ARID4B: variants seen among roughly 807,000 people sequenced by gnomAD.
ARID4B encodes AT-rich interaction domain 4B, also known as AT-rich interactive domain-containing protein 4B.
In ARID4B, 26 loss-of-function variants were observed where a neutral mutation model predicts 147.5. The observed-to-expected ratio is 0.18, with a 90% CI of 0.13 to 0.24. The LOEUF is 0.24. Ranked by LOEUF, ARID4B falls within the 10% of genes least tolerant of loss-of-function variation. The pLI is 1.00. For missense variants in ARID4B, 1,179 were observed against 1,511.5 expected, an observed-to-expected ratio of 0.78 and a Z score of 3.65; for synonymous variants, 512 against 507.9, an observed-to-expected ratio of 1.01 and a Z score of -0.11.
intron 11 of ARID4B, among the ~76,000 whole-genome samples, chr1:235,227,461 A>G (rs1667901525): frequency 6.6e-6 from 1 of 152,204 alleles, no homozygotes; most frequent in Non-Finnish European, 1.5e-5. Flanking sequence ...TAACCTCCAA[A>G]ACAATCTCAT....
chr1:235,228,136 G>A (rs1667949406), intron 11 of ARID4B, among the ~76,000 whole-genome samples: 3 of 151,540 alleles, frequency 2.0e-5, no homozygotes, highest in Non-Finnish European at 4.4e-5. Flanking sequence ...CACAGTACCC[G>A]GCCTGATTTT....
intron 10 of ARID4B, among the ~76,000 whole-genome samples, chr1:235,230,042 C>T (rs1668100573): frequency 6.6e-6 from 1 of 152,092 alleles, no homozygotes; most frequent in Non-Finnish European, 1.5e-5. Context: ...ATGCAATTAC[C>T]ACATATTCCT....
At chr1:235,313,305 C>CG (rs1429495130) in intron 2 of ARID4B, among the ~76,000 whole-genome samples, 3 of 151,974 alleles carry the variant, frequency 2.0e-5, no homozygotes, top group Admixed American at 2.0e-4. Context: ...GCTAGGATTA[C>CG]GGGCATGACC....
intron 11 of ARID4B, among the ~76,000 whole-genome samples, chr1:235,226,410 G>A (rs989064814): frequency 6.6e-6 from 1 of 152,132 alleles, no homozygotes; most frequent in African/African-American, 2.4e-5. Flanking sequence ...GCCCAGGCTG[G>A]AGTGCAGTGG....
intron 2 of ARID4B, among the ~76,000 whole-genome samples, chr1:235,261,521 C>T (rs1466837868): frequency 6.6e-6 from 1 of 151,936 alleles, no homozygotes; most frequent in Non-Finnish European, 1.5e-5. Context: ...AAGACCCTGT[C>T]TCAAAAAAGC....
chr1:235,318,564 C>G (rs182050695), intron 2 of ARID4B, among the ~76,000 whole-genome samples: 1 of 152,174 alleles, frequency 6.6e-6, no homozygotes, highest in African/African-American at 2.4e-5. Flanking sequence ...ACAGAAAATG[C>G]CCAGAATACG....
At chr1:235,288,625 G>A (rs563940888) in intron 2 of ARID4B, among the ~76,000 whole-genome samples, 61 of 152,284 alleles carry the variant, frequency 4.0e-4, no homozygotes, top group African/African-American at 1.4e-3. Flanking sequence ...GTCCTCTACT[G>A]GTGATATTAA....
intron 2 of ARID4B, among the ~76,000 whole-genome samples, chr1:235,290,243 A>G (rs571660838): frequency 2.6e-5 from 4 of 152,224 alleles, no homozygotes; most frequent in African/African-American, 9.6e-5. Context: ...CAGGAGTTCA[A>G]GACCAACTTG....
chr1:235,325,352 T>A (rs1675150065), intron 2 of ARID4B, among the ~76,000 whole-genome samples: 2 of 151,590 alleles, frequency 1.3e-5, no homozygotes, highest in Non-Finnish European at 2.9e-5. Context: ...TTCATTTTTT[T>A]AAACAGACTA....
At chr1:235,212,385 A>G (rs561470138) in intron 17 of ARID4B, among the ~76,000 whole-genome samples, 1 of 152,358 alleles carries the variant, frequency 6.6e-6, no homozygotes, top group African/African-American at 2.4e-5. Flanking sequence ...GACGATAGGT[A>G]TTCTTAAAAT....
chr1:235,255,269 A>ATCTATCTCTC (rs1553304391), intron 5 of ARID4B, among the ~76,000 whole-genome samples: 22 of 131,608 alleles, frequency 1.7e-4, no homozygotes, highest in African/African-American at 6.2e-4. Flanking sequence ...ATAGATATAT[A>ATCTATCTCTC]TCTCTCTCTC....
chr1:235,302,191 C>A (rs1265618983), intron 2 of ARID4B, among the ~76,000 whole-genome samples: 2,731 of 23,252 alleles, frequency 0.12, no homozygotes, highest in Middle Eastern at 0.21. Flanking sequence ...CAAAAAAAAA[C>A]AAAGAAACAA....
chr1:235,191,464 C>A (rs1665107716), intron 19 of ARID4B, among the ~76,000 whole-genome samples: 1 of 151,970 alleles, frequency 6.6e-6, no homozygotes, highest in Non-Finnish European at 1.5e-5. Context: ...CCATGTTGGC[C>A]AGGCTGGTCT....
intron 2 of ARID4B, among the ~76,000 whole-genome samples, chr1:235,318,342 A>C (rs2103298651): frequency 6.6e-6 from 1 of 151,790 alleles, no homozygotes; most frequent in African/African-American, 2.4e-5. Flanking sequence ...CACCCGGCTA[A>C]TTTTTTTATT....
At chr1:235,187,979 T>C (rs893426372) in intron 19 of ARID4B, among the ~76,000 whole-genome samples, 5 of 152,092 alleles carry the variant, frequency 3.3e-5, no homozygotes, top group African/African-American at 7.2e-5. Flanking sequence ...TGTGCCGATT[T>C]GGAAAGATTT....
At chr1:235,280,913 C>T (rs914728322) in intron 2 of ARID4B, among the ~76,000 whole-genome samples, 5 of 151,516 alleles carry the variant, frequency 3.3e-5, no homozygotes, top group Non-Finnish European at 5.9e-5. Context: ...TGGGTGAGCG[C>T]TAATTCTCAG....
chr1:235,326,040 T>G (rs1322927283), intron 2 of ARID4B, among the ~76,000 whole-genome samples: 2 of 152,186 alleles, frequency 1.3e-5, no homozygotes. Flanking sequence ...CTCTACCCTT[T>G]TCAAGCACTT....
intron 22 of ARID4B, among the ~76,000 whole-genome samples, chr1:235,173,752 AAAAAAAAAAAAAAAAAAAAATAT>A (rs1419328933): frequency 8.0e-5 from 3 of 37,304 alleles, no homozygotes; most frequent in Non-Finnish European, 1.3e-4. Context: ...TAAAAAAAAA[AAAAAAAAAAAAAAAAAAAAATAT>A]ATATATATAT....
In ARID4B at chr1:235,326,668, T is replaced by A. The variant is rs1675290851; in HGVS notation, c.6+246A>T. The stretch of plus-strand genomic sequence containing the variant: ...TTAATTCATGCCGTTATTCCTCTCA[T>A]TCCCTACAAAAAGAGATGTTCAATA... On this transcript the variant is annotated intron_variant, in intron 2 of 23. Coordinates refer to ENST00000264183, the MANE Select transcript of ARID4B (RefSeq NM_016374.6). The A allele has an allele frequency of 1.5e-5, 8 of 528,672 alleles. No homozygotes were observed. In the Admixed American group the frequency reaches 2.3e-4, roughly 15 times the overall value. The allele number at this position is 528,672 out of a possible 1,614,324, so 32.7% of individuals were successfully genotyped here. A position where few individuals can be genotyped will look rare whatever the true frequency, so the allele number is the denominator to read the frequency against.
Sources: allele counts gnomAD v4.1 joint callset (sites outside exome capture counted in the v4.1 genomes callset), GRCh38; gene constraint gnomAD v4.1.1; transcripts MANE v1.5; gene names NCBI Gene and HGNC (gene_info 2026-07-23, HGNC 2026-07-21).